Variants in CHN1 observed in about 807,000 individuals in gnomAD.
CHN1 encodes N-chimaerin.
CHN1 carries 37 observed loss-of-function variants against 59.5 expected under a neutral mutation model. The ratio of observed to expected loss-of-function variants is 0.62; its 90% CI spans 0.48 to 0.82. The LOEUF is 0.82. Among genes scored for constraint, CHN1 ranks in the 40% least tolerant of loss-of-function variants. The probability of loss-of-function intolerance (pLI) is 0.00; values close to 1 mark genes in which losing one functional copy is unlikely to be tolerated. For missense variants in CHN1, 469 were observed against 571.0 expected (o/e 0.82, Z 1.82); for synonymous variants, 206 against 200.4 (o/e 1.03, Z -0.24).
chr2:174,915,677 A>G (rs2105371005), intron 4 of CHN1, among the ~76,000 whole-genome samples: 1 of 152,300 alleles, frequency 6.6e-6, no homozygotes, highest in Admixed American at 6.5e-5. Context: ...ATTACTGAAC[A>G]CTCAAGTCCA....
intron 1 of CHN1, among the ~76,000 whole-genome samples, chr2:174,984,055 G>T (rs895546475): frequency 7.0e-6 from 1 of 142,284 alleles, no homozygotes; most frequent in African/African-American, 2.6e-5. Context: ...CTCCACGCAA[G>T]TTTTTTTTTT....
rs1688256660 is a variant in CHN1, at chr2:174,897,570, C to T, written c.260+17488G>A. Among the ~76,000 whole-genome samples, 3 of 151,422 alleles carry T rather than the reference C, an allele frequency of 2.0e-5. No homozygotes were observed. In the South Asian group the frequency reaches 6.3e-4, roughly 32 times the overall value. ...GTTTAGCTCCATGTAATAAAGTATT[C>T]CCCCCGCCTCCTGTAGTAGATCAAA... On this transcript the variant is annotated intron_variant, in intron 5 of 12. Coordinates refer to ENST00000409900, the MANE Select transcript of CHN1 (RefSeq NM_001822.7).
intron 6 of CHN1, chr2:174,875,905 T>G (rs1005659016): frequency 1.2e-6 from 1 of 814,838 alleles, no homozygotes; most frequent in Non-Finnish European, 1.5e-6. Flanking sequence ...GAGTAGATTT[T>G]AAGCCAGCTA....
At position 174,994,079 on chromosome 2, in the gene CHN1, T is replaced by C. The variant is rs191369451; in HGVS notation, c.19+10815A>G. Among the ~76,000 whole-genome samples, 24 of 152,320 alleles carry C rather than the reference T, an allele frequency of 1.6e-4. 2 individuals are homozygous for C. The South Asian group carries it at 2.9e-3, about 18-fold the overall frequency. Reference sequence around the variant, plus strand: ...GTAAAACATGAACAAACCAAGCTAATTTATGTACAATCCCTTTGTACCACT... The same window carrying C: ...GTAAAACATGAACAAACCAAGCTAACTTATGTACAATCCCTTTGTACCACT... On this transcript the variant is annotated intron_variant, in intron 1 of 12. Coordinates refer to ENST00000409900, the MANE Select transcript of CHN1 (RefSeq NM_001822.7).
Position 174,803,263 on chromosome 2 carries a change from G to T in CHN1, c.1103-1451C>A, listed in dbSNP as rs190218778. ...GTGAGATGAATGTAAAAATTTCCTA[G>T]CACTGGTAAAGCAGATTTGATAAAT... On this transcript the variant is annotated intron_variant, in intron 11 of 12. Coordinates refer to ENST00000409900, the MANE Select transcript of CHN1 (RefSeq NM_001822.7). Among the ~76,000 whole-genome samples the T allele has an allele frequency of 1.8e-4, 27 of 152,266 alleles. No homozygotes were observed. In the East Asian group the frequency reaches 3.1e-3, roughly 17 times the overall value.
chr2:174,935,743 T>G (rs945752499), intron 3 of CHN1, among the ~76,000 whole-genome samples: 1 of 151,930 alleles, frequency 6.6e-6, no homozygotes. Flanking sequence ...CTGGGGAACA[T>G]AGTAAGACCT....
chr2:174,938,768 C>A (rs1689573808), intron 3 of CHN1, among the ~76,000 whole-genome samples: 1 of 151,990 alleles, frequency 6.6e-6, no homozygotes, highest in Non-Finnish European at 1.5e-5. Context: ...CAAGGAGAGC[C>A]AGTCACAGTA....
chr2:174,809,874 G>A (rs1685018503), intron 10 of CHN1, among the ~76,000 whole-genome samples: 1 of 152,140 alleles, frequency 6.6e-6, no homozygotes, highest in Non-Finnish European at 1.5e-5. Context: ...CACTGTACCT[G>A]TCACATAAAT....
intron 3 of CHN1, among the ~76,000 whole-genome samples, chr2:174,938,991 G>A (rs1689581303): frequency 6.6e-6 from 1 of 152,074 alleles, no homozygotes; most frequent in African/African-American, 2.4e-5. Context: ...TGGAAATGAT[G>A]AATACATTGC....
intron 5 of CHN1, among the ~76,000 whole-genome samples, chr2:174,913,940 T>C (rs916149706): frequency 3.3e-5 from 5 of 152,230 alleles, no homozygotes. Context: ...TAGATGAATG[T>C]ATATATGAAT....
At chr2:174,989,659 T>A (rs2124445) in intron 1 of CHN1, among the ~76,000 whole-genome samples, 69,505 of 151,634 alleles carry the variant, frequency 0.46, 16,696 homozygotes, top group African/African-American at 0.58. Flanking sequence ...GCATGGTGGC[T>A]CGCACCTGTG....
intron 2 of CHN1, among the ~76,000 whole-genome samples, chr2:174,948,819 G>T (rs111565376): frequency 9.5e-4 from 145 of 152,132 alleles, no homozygotes; most frequent in Middle Eastern, 3.4e-3. Flanking sequence ...TAAAATTTCA[G>T]CCCATTTCTA....
At chr2:175,001,878 A>C (rs569137212) in intron 1 of CHN1, among the ~76,000 whole-genome samples, 2 of 152,354 alleles carry the variant, frequency 1.3e-5, no homozygotes, top group South Asian at 4.1e-4. Context: ...CCAGCCACAA[A>C]TTCCCATATT....
chr2:174,806,712 C>T (rs548109983), intron 11 of CHN1, among the ~76,000 whole-genome samples: 1 of 152,248 alleles, frequency 6.6e-6, no homozygotes, highest in African/African-American at 2.4e-5. Flanking sequence ...GTAAAGTGCT[C>T]GGCAGGATTC....
intron 7 of CHN1, among the ~76,000 whole-genome samples, chr2:174,824,854 C>T (rs190543959): frequency 2.0e-5 from 3 of 152,288 alleles, no homozygotes; most frequent in African/African-American, 7.2e-5. Context: ...CAAGCATCTG[C>T]CTGCCTTGGC....
chr2:174,947,372 C>G (rs1302264968), intron 2 of CHN1, among the ~76,000 whole-genome samples: 1 of 152,060 alleles, frequency 6.6e-6, no homozygotes, highest in East Asian at 1.9e-4. Flanking sequence ...TCCTTCTAAT[C>G]GTCTCAAAGG....
At chr2:174,925,224 C>G (rs140556499) in intron 3 of CHN1, among the ~76,000 whole-genome samples, 1 of 152,090 alleles carries the variant, frequency 6.6e-6, no homozygotes, top group Non-Finnish European at 1.5e-5. Flanking sequence ...CTCATACCCC[C>G]GCCTTTTGGT....
chr2:174,915,913 A>ACCTAT (rs1688835582), intron 4 of CHN1, among the ~76,000 whole-genome samples: 1 of 152,244 alleles, frequency 6.6e-6, no homozygotes, highest in African/African-American at 2.4e-5. Flanking sequence ...TTTACAAAGA[A>ACCTAT]CCTATATGTC....
intron 5 of CHN1, among the ~76,000 whole-genome samples, chr2:174,900,735 G>A (rs1026818935): frequency 1.3e-5 from 2 of 151,920 alleles, no homozygotes; most frequent in Non-Finnish European, 2.9e-5. Context: ...AACCCAGGAA[G>A]CAGAGGTTGC....
Sources: gnomAD v4.1 joint callset for allele counts (sites outside exome capture counted in the v4.1 genomes callset) on GRCh38, gnomAD v4.1.1 for gene constraint, MANE v1.5 for transcripts, NCBI Gene and HGNC (gene_info 2026-07-23, HGNC 2026-07-21) for gene names.